PLEKHA3: variants seen among roughly 807,000 people sequenced by gnomAD.
PLEKHA3 encodes the protein pleckstrin homology domain-containing family A member 3.
A neutral mutation model predicts 39.2 loss-of-function variants in PLEKHA3; 19 were observed. The ratio of observed to expected loss-of-function variants is 0.48; its 90% CI spans 0.34 to 0.71. The LOEUF (loss-of-function observed/expected upper bound fraction) is 0.71. Ranked by LOEUF, PLEKHA3 falls within the 30% of genes least tolerant of loss-of-function variation. The pLI is 0.01. For synonymous variants in PLEKHA3, 97 were observed against 118.6 expected, an observed-to-expected ratio of 0.82 and a Z score of 1.18; for missense variants, 253 against 359.5, an observed-to-expected ratio of 0.70 and a Z score of 2.40.
intron 1 of PLEKHA3, chr2:178,481,896 C>T (rs1685171797): frequency 6.6e-6 from 1 of 151,916 alleles, no homozygotes; most frequent in Non-Finnish European, 1.5e-5. Flanking sequence ...CCCACTTCTT[C>T]GCTCTGCCAA....
Position 178,495,563 on chromosome 2 carries a change from G to A in PLEKHA3, c.518G>A (p.Cys173Tyr). The A allele has an allele frequency of 1.2e-6, 2 of 1,614,178 alleles. No individual in the cohort carries two copies. The highest frequency in any genetic ancestry group is 1.7e-6 in the Non-Finnish European group (2 of 1,180,036). Reference sequence around the variant, plus strand: ...ACATTCATCACAACGCTTGAGGAATGTGTGAAGATAGCCAATGCCAAGTTT... The same window carrying A: ...ACATTCATCACAACGCTTGAGGAATATGTGAAGATAGCCAATGCCAAGTTT... Reference protein sequence around the residue: ...CNTFITTLEECVKIANAKFKP... With the variant: ...CNTFITTLEEYVKIANAKFKP... Residue 173 changes from cysteine to tyrosine, a missense_variant, in exon 5 of 8, where the codon TGT becomes TAT. By Grantham distance (194) the Cys-to-Tyr change is radical. Transcript: ENST00000234453.
At position 178,495,221 on chromosome 2, in the gene PLEKHA3, T is replaced by G. The variant is rs1377473787; in HGVS notation, c.451-275T>G. On this transcript the variant is annotated intron_variant, in intron 4 of 7. Transcript: ENST00000234453. ...TAAGATAAACTTTTGTACACAGTTT[T>G]TCAATATGATAATTAAATGCAAAGC... Among the ~76,000 whole-genome samples, 5 of 152,350 alleles carry G rather than the reference T, an allele frequency of 3.3e-5. No homozygotes were observed. The South Asian group carries it at 1.0e-3, about 32-fold the overall frequency.
At chr2:178,488,567 TTTGTTGTTGTTG>T (rs909537506) in intron 2 of PLEKHA3, among the ~76,000 whole-genome samples, 11 of 152,262 alleles carry the variant, frequency 7.2e-5, no homozygotes, top group African/African-American at 2.6e-4. Flanking sequence ...TGGCCCTGTT[TTTGTTGTTGTTG>T]TTGTTGTTGT....
At chr2:178,484,911 C>T (rs372532552) in intron 1 of PLEKHA3, among the ~76,000 whole-genome samples, 15 of 152,204 alleles carry the variant, frequency 9.9e-5, no homozygotes, top group African/African-American at 1.9e-4. Flanking sequence ...AAATATCAAT[C>T]GAACAATTGC....
At chr2:178,496,267 C>T (rs1685445059) in intron 5 of PLEKHA3, among the ~76,000 whole-genome samples, 1 of 152,082 alleles carries the variant, frequency 6.6e-6, no homozygotes, top group South Asian at 2.1e-4. Context: ...CTCTTTTTGC[C>T]AGGGGTGGCA....
At position 178,510,830 on chromosome 2, in the gene PLEKHA3, G is replaced by A. The variant is rs1314732846; in HGVS notation, c.*6943G>A. ...GTGGACTTACATAAGCAAAATGCCT[G>A]CATTTATTTCATAGGTAAAATTTTA... On this transcript the variant is annotated 3_prime_UTR_variant, in exon 8 of 8. Coordinates refer to ENST00000234453, the MANE Select transcript of PLEKHA3 (RefSeq NM_019091.4). The A allele has an allele frequency of 6.6e-6, 1 of 152,142 alleles. No homozygotes were observed. Among genetic ancestry groups the A allele is most frequent in the Admixed American group, 6.5e-5 (1 of 15,272 alleles). 9.4% of individuals were successfully genotyped at this position (152,142 alleles called of 1,614,324 possible).
chr2:178,490,773 C>G lies in PLEKHA3; in HGVS notation c.272C>G (p.Ser91Cys), dbSNP rs202001151. The G allele has an allele frequency of 1.2e-6, 2 of 1,613,618 alleles. No individual in the cohort carries two copies. The highest frequency in any genetic ancestry group is 4.5e-5 in the East Asian group (2 of 44,852). Reference sequence around the variant, plus strand: ...AGGTGGCTGGTCGCTCTGGGGAGCTCCAAAGCATGTTTGACTGATACAAGG... The same window carrying G: ...AGGTGGCTGGTCGCTCTGGGGAGCTGCAAAGCATGTTTGACTGATACAAGG... ...RQRWLVALGS[S>C]KACLTDTRTK... The change falls in exon 3 of 8, where the codon TCC becomes TGC. Residue 91 changes from serine to cysteine, a missense_variant. Transcript: ENST00000234453.
At chr2:178,481,990 A>G (rs1471768928) in intron 1 of PLEKHA3, 1 of 153,724 alleles carries the variant, frequency 6.5e-6, no homozygotes, top group Non-Finnish European at 1.5e-5. Flanking sequence ...TAAACTTTTT[A>G]AGGCATAAGC....
chr2:178,490,979 T>C (rs1424872529), intron 3 of PLEKHA3, among the ~76,000 whole-genome samples, 165 bp downstream of exon 3: 1 of 151,960 alleles, frequency 6.6e-6, no homozygotes, highest in Non-Finnish European at 1.5e-5. Context: ...AGCTATAAAT[T>C]TAGGGGAATG....
intron 2 of PLEKHA3, among the ~76,000 whole-genome samples, chr2:178,486,813 A>T (rs1685257961): frequency 6.6e-6 from 1 of 152,224 alleles, no homozygotes; most frequent in Non-Finnish European, 1.5e-5. Flanking sequence ...GACTACAGTG[A>T]CTAAAGCTGC....
chr2:178,502,792 T>TCACACACACACACACGCACG (rs1553472066), intron 7 of PLEKHA3, among the ~76,000 whole-genome samples: 1 of 144,600 alleles, frequency 6.9e-6, no homozygotes, highest in African/African-American at 2.7e-5. Context: ...AAAACTAGTC[T>TCACACACACACACACGCACG]CACACACACA....
chr2:178,500,974 T>G, intron 6 of PLEKHA3, 87 bp from the exon 7 acceptor site: 1 of 831,724 alleles, frequency 1.2e-6, no homozygotes, highest in East Asian at 2.4e-5. Context: ...CTTTTTTCAC[T>G]TAAAGAGAAG....
At position 178,510,233 on chromosome 2, in the gene PLEKHA3, A is replaced by G. The variant is rs950268225; in HGVS notation, c.*6346A>G. ...TTCAGGTGTTAGGTGTTATCTTTCTAAGAAACATTCAAGCCTTAAGAAATC... is the reference window on the plus strand; with the variant it reads ...TTCAGGTGTTAGGTGTTATCTTTCTGAGAAACATTCAAGCCTTAAGAAATC... On this transcript the variant is annotated 3_prime_UTR_variant, in exon 8 of 8. Coordinates refer to ENST00000234453, the MANE Select transcript of PLEKHA3 (RefSeq NM_019091.4). The G allele has an allele frequency of 1.3e-5, 2 of 153,208 alleles. No homozygotes were observed. Among genetic ancestry groups the G allele is most frequent in the African/African-American group, 4.8e-5 (2 of 41,434 alleles). 9.5% of individuals were successfully genotyped at this position (153,208 alleles called of 1,614,324 possible).
chr2:178,509,642 T>A lies in PLEKHA3; in HGVS notation c.*5755T>A, dbSNP rs1044520274. 6.6e-6 allele frequency: 1 copy of A among 152,120 alleles called. No individual in the cohort carries two copies. Among genetic ancestry groups the A allele is most frequent in the African/African-American group, 2.4e-5 (1 of 41,382 alleles). 9.4% of individuals were successfully genotyped at this position (152,120 alleles called of 1,614,324 possible). ...ACAGGCATGCACCACTACTCCTGGC[T>A]AATTTTTGTATTTTTTTGTAGCAGC... On this transcript the variant is annotated 3_prime_UTR_variant, in exon 8 of 8. Transcript: ENST00000234453.
chr2:178,500,341 T>TC (rs1315415723), intron 6 of PLEKHA3, among the ~76,000 whole-genome samples: 1 of 152,000 alleles, frequency 6.6e-6, no homozygotes, highest in Admixed American at 6.6e-5. Context: ...GAATCAAGAG[T>TC]CCCACCAACT....
In PLEKHA3 at chr2:178,493,284, A is replaced by AAC. The variant is rs1179511259; in HGVS notation, c.314-567_314-566dup. On this transcript the variant is annotated intron_variant, in intron 3 of 7. Transcript: ENST00000234453. ...ATAATGTGAGAATGAAACTGAAAGA[A>AAC]ACAGAAGAAAATAAATGAATGTTTA... 7.4e-4 allele frequency among the ~76,000 whole-genome samples: 113 copies of AAC among 152,376 alleles called. 2 individuals carry two copies. The highest frequency in any genetic ancestry group is 8.4e-4 in the Non-Finnish European group (57 of 68,036).
chr2:178,487,897 T>A (rs1685276666), intron 2 of PLEKHA3, among the ~76,000 whole-genome samples: 1 of 152,234 alleles, frequency 6.6e-6, no homozygotes. Context: ...TTCTGGTGTT[T>A]GTAGTGGTAT....
chr2:178,497,413 G>C (rs1330365954), intron 5 of PLEKHA3, among the ~76,000 whole-genome samples: 4 of 151,920 alleles, frequency 2.6e-5, no homozygotes. Flanking sequence ...TGTATTTTTA[G>C]TAGAGACGGG....
Position 178,508,051 on chromosome 2 carries a change from GTGTGT to G in PLEKHA3, c.*4165_*4169del, listed in dbSNP as rs1558932862. On this transcript the variant is annotated 3_prime_UTR_variant, in exon 8 of 8. Transcript: ENST00000234453. Reference sequence around the variant, plus strand: ...AGAGATTTGTCTGCTTCAGTTCTGGGTGTGTGTGTGTGTGTGTGTGTGTGTGTGTG... The same window carrying G: ...AGAGATTTGTCTGCTTCAGTTCTGGGGTGTGTGTGTGTGTGTGTGTGTGTG... The G allele has an allele frequency of 2.3e-4, 1 of 4,422 alleles. No individual in the cohort carries two copies. Among genetic ancestry groups the G allele is most frequent in the East Asian group, 0.028 (1 of 36 alleles). The allele number at this position is 4,422 out of a possible 1,614,324, so 0.3% of individuals were successfully genotyped here. A position where few individuals can be genotyped will look rare whatever the true frequency, so the allele number is the denominator to read the frequency against.
Sources: allele counts gnomAD v4.1 joint callset (sites outside exome capture counted in the v4.1 genomes callset), GRCh38; gene constraint gnomAD v4.1.1; transcripts MANE v1.5; gene names NCBI Gene and HGNC (gene_info 2026-07-23, HGNC 2026-07-21).